NAALADL2: variants seen among roughly 807,000 people sequenced by gnomAD.
NAALADL2 encodes the protein N-acetylated alpha-linked acidic dipeptidase like 2, also known as inactive N-acetylated-alpha-linked acidic dipeptidase-like protein 2.
A neutral mutation model predicts 87.2 loss-of-function variants in NAALADL2; 76 were observed. The observed-to-expected ratio is 0.87, with a 90% confidence interval of 0.72 to 1.05. The LOEUF (loss-of-function observed/expected upper bound fraction) is 1.05. Ranked by LOEUF, NAALADL2 falls within the 50% of genes least tolerant of loss-of-function variation. NAALADL2 has a pLI of 0.00. For synonymous variants in NAALADL2, 354 were observed against 331.0 expected (o/e 1.07, Z -0.75); for missense variants, 1,089 against 945.8 (o/e 1.15, Z -1.99).
At chr3:174,689,070 T>A (rs543933228) in intron 2 of NAALADL2, among the ~76,000 whole-genome samples, 8 of 152,194 alleles carry the variant, frequency 5.3e-5, no homozygotes, top group African/African-American at 1.9e-4. Context: ...TGAGAACTCT[T>A]TATATATGGC....
chr3:175,481,753 C>T (rs931448308), intron 9 of NAALADL2, among the ~76,000 whole-genome samples: 2 of 151,736 alleles, frequency 1.3e-5, no homozygotes, highest in Middle Eastern at 3.2e-3. Flanking sequence ...GAAATACTAC[C>T]TAGCAATAAA....
At chr3:174,764,905 TTG>T (rs1560206021) in intron 3 of NAALADL2, among the ~76,000 whole-genome samples, 1 of 152,144 alleles carries the variant, frequency 6.6e-6, no homozygotes, top group Non-Finnish European at 1.5e-5. Flanking sequence ...GAAAATTTAT[TTG>T]TATGCTGAAA....
chr3:174,463,290 C>T (rs538096482), intron 1 of NAALADL2, among the ~76,000 whole-genome samples: 1 of 152,026 alleles, frequency 6.6e-6, no homozygotes, highest in Non-Finnish European at 1.5e-5. Context: ...ATGTAGAAAG[C>T]CTTCCACTTG....
At position 175,641,569 on chromosome 3, in the gene NAALADL2, C is replaced by T. The variant is rs551777513; in HGVS notation, c.1896+14183C>T. 1.9e-4 allele frequency among the ~76,000 whole-genome samples: 29 copies of T among 152,110 alleles called. 1 individual carries two copies. In the South Asian group the frequency reaches 5.8e-3, roughly 30 times the overall value. ...GGAATAAACAAAAACAATGTGATTG[C>T]TTCCTCTCAATGCAAGTCTTCTAAG... On this transcript the variant is annotated intron_variant, in intron 11 of 13. Transcript: ENST00000454872.
intron 3 of NAALADL2, among the ~76,000 whole-genome samples, chr3:174,756,293 C>T (rs778854076): frequency 2.6e-5 from 4 of 152,108 alleles, no homozygotes; most frequent in Non-Finnish European, 4.4e-5. Context: ...ATTAACCAAC[C>T]AGTATTCAGT....
At chr3:174,549,894 GT>G (rs137939827) in intron 1 of NAALADL2, among the ~76,000 whole-genome samples, 6 of 146,226 alleles carry the variant, frequency 4.1e-5, no homozygotes, top group Non-Finnish European at 6.0e-5. Context: ...GTGGTTTTTT[GT>G]TTTTTTTTTC....
At chr3:174,651,576 ATTGT>A (rs1457290327) in intron 2 of NAALADL2, among the ~76,000 whole-genome samples, 4 of 152,160 alleles carry the variant, frequency 2.6e-5, no homozygotes, top group African/African-American at 4.8e-5. Flanking sequence ...TATTAATCAA[ATTGT>A]TTGAGAGGAA....
intron 2 of NAALADL2, among the ~76,000 whole-genome samples, chr3:174,612,133 A>G (rs1389387299): frequency 6.6e-6 from 1 of 152,146 alleles, no homozygotes; most frequent in Non-Finnish European, 1.5e-5. Context: ...CCTGGCCTGT[A>G]AAGTTTCCAC....
chr3:174,500,798 C>T (rs145672846), intron 1 of NAALADL2, among the ~76,000 whole-genome samples: 13 of 151,232 alleles, frequency 8.6e-5, no homozygotes, highest in Non-Finnish European at 1.6e-4. Flanking sequence ...GCTAGCCTTG[C>T]GTCCCTGGGA....
intron 3 of NAALADL2, among the ~76,000 whole-genome samples, chr3:174,837,749 A>G (rs940057821): frequency 6.6e-6 from 1 of 152,046 alleles, no homozygotes; most frequent in Admixed American, 6.6e-5. Flanking sequence ...GGCTGAGATC[A>G]TGCCACTGCA....
intron 1 of NAALADL2, among the ~76,000 whole-genome samples, chr3:174,909,008 GAA>G (rs112001916): frequency 0.11 from 15,605 of 139,624 alleles, 938 homozygotes; most frequent in African/African-American, 0.15. Context: ...ATCATACTCA[GAA>G]AAAAAAAAAA....
chr3:174,856,949 G>T (rs1356371637), upstream of NAALADL2, among the ~76,000 whole-genome samples: 1 of 151,880 alleles, frequency 6.6e-6, no homozygotes, highest in African/African-American at 2.4e-5. Context: ...TGTCATTTGG[G>T]TTTGGTACTA....
At chr3:175,021,788 T>G (rs533357461) in intron 1 of NAALADL2, among the ~76,000 whole-genome samples, 3 of 152,262 alleles carry the variant, frequency 2.0e-5, no homozygotes, top group East Asian at 3.9e-4. Flanking sequence ...ATTGATAGAT[T>G]AAATGCAAAA....
chr3:175,632,309 T>TCC (rs1343137901), intron 11 of NAALADL2, among the ~76,000 whole-genome samples: 6 of 141,296 alleles, frequency 4.2e-5, no homozygotes, highest in East Asian at 2.0e-4. Flanking sequence ...TCTCTCTCTC[T>TCC]CCTACTCCCT....
chr3:174,795,541 C>A (rs551982076), intron 3 of NAALADL2, among the ~76,000 whole-genome samples: 41 of 152,020 alleles, frequency 2.7e-4, no homozygotes, highest in African/African-American at 9.4e-4. Context: ...TTCCATTTTT[C>A]TTAAGTATAT....
chr3:174,599,476 A>G (rs991531707), intron 2 of NAALADL2, among the ~76,000 whole-genome samples: 4 of 152,024 alleles, frequency 2.6e-5, no homozygotes, highest in African/African-American at 9.7e-5. Context: ...CAGAATAACT[A>G]TGTCTACTTG....
chr3:174,769,137 T>C (rs1476429624), intron 3 of NAALADL2, among the ~76,000 whole-genome samples: 1 of 152,026 alleles, frequency 6.6e-6, no homozygotes, highest in East Asian at 1.9e-4. Context: ...TTTTCGCTAG[T>C]CTATATTATT....
At chr3:175,494,157 T>C (rs1461636592) in intron 9 of NAALADL2, among the ~76,000 whole-genome samples, 10 of 152,134 alleles carry the variant, frequency 6.6e-5, no homozygotes, top group Admixed American at 6.6e-4. Flanking sequence ...TATATTTTGC[T>C]TCTCATAAAC....
At chr3:174,793,340 G>T (rs1439228509) in intron 3 of NAALADL2, among the ~76,000 whole-genome samples, 1 of 152,030 alleles carries the variant, frequency 6.6e-6, no homozygotes, top group South Asian at 2.1e-4. Context: ...AGTCATGGTG[G>T]ATAATCTCTA....
Sources: gnomAD v4.1 joint callset for allele counts (sites outside exome capture counted in the v4.1 genomes callset) on GRCh38, gnomAD v4.1.1 for gene constraint, MANE v1.5 for transcripts, NCBI Gene and HGNC (gene_info 2026-07-23, HGNC 2026-07-21) for gene names.